Variants in UBE2E2 observed in about 807,000 individuals in gnomAD.
UBE2E2 encodes the protein ubiquitin conjugating enzyme E2 E2.
A neutral mutation model predicts 24.7 loss-of-function variants in UBE2E2; 6 were observed. The ratio of observed to expected loss-of-function variants is 0.24; its 90% CI spans 0.13 to 0.48. The LOEUF is 0.48. Among genes scored for constraint, UBE2E2 ranks in the 20% least tolerant of loss-of-function variants. The pLI is 0.99. For missense variants in UBE2E2, 169 were observed against 245.0 expected (o/e 0.69, Z 2.07); for synonymous variants, 104 against 83.6 (o/e 1.24, Z -1.33).
chr3:23,553,139 T>C (rs1695689566), intron 5 of UBE2E2, among the ~76,000 whole-genome samples: 1 of 152,130 alleles, frequency 6.6e-6, no homozygotes, highest in Non-Finnish European at 1.5e-5. Flanking sequence ...AAAGTTAGCC[T>C]ACTTACCTAA....
intron 3 of UBE2E2, among the ~76,000 whole-genome samples, chr3:23,465,976 C>G (rs914802897): frequency 1.3e-5 from 2 of 152,186 alleles, no homozygotes; most frequent in Middle Eastern, 6.8e-3. Flanking sequence ...GTAGCTTCCC[C>G]TAATAATTAA....
chr3:23,378,822 C>T (rs967858094), intron 3 of UBE2E2, among the ~76,000 whole-genome samples: 8 of 152,144 alleles, frequency 5.3e-5, no homozygotes, highest in African/African-American at 1.9e-4. Context: ...CTAAACAGAA[C>T]TGTATAGTTG....
At chr3:23,393,328 A>G (rs933741164) in intron 3 of UBE2E2, among the ~76,000 whole-genome samples, 2 of 152,210 alleles carry the variant, frequency 1.3e-5, no homozygotes, top group African/African-American at 4.8e-5. Context: ...CAGATAAGTC[A>G]GGAAAGTGAG....
chr3:23,385,963 TAAAAC>T (rs1696795879), intron 3 of UBE2E2, among the ~76,000 whole-genome samples: 1 of 152,180 alleles, frequency 6.6e-6, no homozygotes, highest in Admixed American at 6.5e-5. Flanking sequence ...GGAAGGAAAG[TAAAAC>T]AAACTAAATT....
chr3:23,311,677 A>G (rs1694397040), intron 3 of UBE2E2, among the ~76,000 whole-genome samples: 1 of 152,232 alleles, frequency 6.6e-6, no homozygotes, highest in South Asian at 2.1e-4. Context: ...TTGGAAAGGA[A>G]CTTAGATATA....
At chr3:23,348,809 T>C (rs1357515396) in intron 3 of UBE2E2, among the ~76,000 whole-genome samples, 2 of 130,400 alleles carry the variant, frequency 1.5e-5, no homozygotes, top group Non-Finnish European at 3.3e-5. Flanking sequence ...TCTCTGGGTA[T>C]GGCCTGCAAA....
chr3:23,363,401 C>T (rs912729403), intron 3 of UBE2E2, among the ~76,000 whole-genome samples: 2 of 152,188 alleles, frequency 1.3e-5, no homozygotes, highest in Non-Finnish European at 2.9e-5. Context: ...CTCTACAGGA[C>T]TCATCTCACA....
chr3:23,378,138 T>C (rs1178687889), intron 3 of UBE2E2, among the ~76,000 whole-genome samples: 1 of 139,218 alleles, frequency 7.2e-6, no homozygotes, highest in Non-Finnish European at 1.5e-5. Flanking sequence ...AAAATAAAAA[T>C]ACAAACTGAG....
intron 5 of UBE2E2, among the ~76,000 whole-genome samples, chr3:23,536,500 A>G (rs1389565953): frequency 6.6e-6 from 1 of 152,152 alleles, no homozygotes; most frequent in Admixed American, 6.5e-5. Context: ...TTCTAAACTC[A>G]GTTATGATGT....
At chr3:23,306,183 T>C (rs938614072) in intron 3 of UBE2E2, among the ~76,000 whole-genome samples, 1 of 152,212 alleles carries the variant, frequency 6.6e-6, no homozygotes, top group Non-Finnish European at 1.5e-5. Context: ...ATAACAGTGA[T>C]TGAAAATCAA....
At chr3:23,451,400 TA>T (rs1184457010) in intron 3 of UBE2E2, among the ~76,000 whole-genome samples, 9 of 152,142 alleles carry the variant, frequency 5.9e-5, no homozygotes, top group Non-Finnish European at 1.2e-4. Flanking sequence ...GCAATACTTA[TA>T]ATTTTACAGA....
At chr3:23,218,090 T>G (rs1448125685) in intron 3 of UBE2E2, among the ~76,000 whole-genome samples, 1 of 152,126 alleles carries the variant, frequency 6.6e-6, no homozygotes, top group South Asian at 2.1e-4. Context: ...GATAATCTTA[T>G]GCATTGAAGG....
At chr3:23,217,228 T>A in intron 2 of UBE2E2, 34 bp from the exon 3 acceptor site, 2 of 1,579,174 alleles carry the variant, frequency 1.3e-6, no homozygotes, top group South Asian at 2.2e-5. Context: ...GTGAAGATAT[T>A]TTTAACATAA....
intron 3 of UBE2E2, among the ~76,000 whole-genome samples, chr3:23,315,324 T>G (rs1694543570): frequency 6.6e-6 from 1 of 151,094 alleles, no homozygotes. Context: ...TTTTTTCATT[T>G]GTCTCCTCTG....
At chr3:23,341,940 A>G (rs747316472) in intron 3 of UBE2E2, among the ~76,000 whole-genome samples, 3 of 152,230 alleles carry the variant, frequency 2.0e-5, no homozygotes, top group Non-Finnish European at 2.9e-5. Flanking sequence ...GTAATTATGT[A>G]TACATAGTTC....
At chr3:23,498,888 C>T (rs1325869990) in intron 3 of UBE2E2, among the ~76,000 whole-genome samples, 1 of 152,292 alleles carries the variant, frequency 6.6e-6, no homozygotes, top group South Asian at 2.1e-4. Context: ...GCAAAATTCT[C>T]TGAAACTCAG....
intron 3 of UBE2E2, among the ~76,000 whole-genome samples, chr3:23,238,451 C>T (rs921172432): frequency 1.3e-5 from 2 of 152,080 alleles, no homozygotes; most frequent in Non-Finnish European, 2.9e-5. Context: ...CGGGAGAGGC[C>T]ATGCCTGTGG....
Position 23,424,085 on chromosome 3 carries a change from G to A in UBE2E2, c.228-75523G>A, listed in dbSNP as rs568738963. On this transcript the variant is annotated intron_variant, in intron 3 of 5. Transcript: ENST00000396703. ...TCTTCAAGCTTTTGTTCCCTAATTTGGAAAGGTAAGTAATGTTTGATAATC... is the reference window on the plus strand; with the variant it reads ...TCTTCAAGCTTTTGTTCCCTAATTTAGAAAGGTAAGTAATGTTTGATAATC... Among the ~76,000 whole-genome samples the A allele has an allele frequency of 2.6e-5, 4 of 152,132 alleles. No homozygotes were observed. The East Asian group carries it at 7.7e-4, about 29-fold the overall frequency.
At chr3:23,212,458 T>A (rs896374773) in intron 2 of UBE2E2, among the ~76,000 whole-genome samples, 2 of 152,174 alleles carry the variant, frequency 1.3e-5, no homozygotes, top group Non-Finnish European at 2.9e-5. Flanking sequence ...TTTGAGATCT[T>A]CTTTGAATTT....
Sources: allele counts gnomAD v4.1 joint callset (sites outside exome capture counted in the v4.1 genomes callset), GRCh38; gene constraint gnomAD v4.1.1; transcripts MANE v1.5; gene names NCBI Gene and HGNC (gene_info 2026-07-23, HGNC 2026-07-21).